PDE4D: variants seen among roughly 807,000 people sequenced by gnomAD.
PDE4D encodes the protein phosphodiesterase 4D.
PDE4D carries 24 observed loss-of-function variants against 87.4 expected under a neutral mutation model. That is an observed-to-expected ratio of 0.27 (90% CI 0.20 to 0.39). PDE4D has a LOEUF of 0.39. PDE4D is among the 10% of genes least tolerant of loss of function. The pLI is 1.00. For synonymous variants in PDE4D, 384 were observed against 383.2 expected (o/e 1.00, Z -0.02); for missense variants, 714 against 1,041.0 (o/e 0.69, Z 4.32).
At chr5:60,380,843 A>G (rs1761806890) in intron 1 of PDE4D, among the ~76,000 whole-genome samples, 2 of 152,228 alleles carry the variant, frequency 1.3e-5, no homozygotes, top group Admixed American at 1.3e-4. Context: ...TGTTAATCAC[A>G]TCTCATTTAA....
At chr5:60,130,591 G>C (rs1270995334) in intron 2 of PDE4D, among the ~76,000 whole-genome samples, 2 of 152,180 alleles carry the variant, frequency 1.3e-5, no homozygotes, top group Non-Finnish European at 2.9e-5. Context: ...AGGATGGCAA[G>C]AGACTCTTAA....
intron 1 of PDE4D, among the ~76,000 whole-genome samples, chr5:59,563,957 A>AGAAGT (rs2153692746): frequency 6.6e-6 from 1 of 152,304 alleles, no homozygotes; most frequent in East Asian, 1.9e-4. Context: ...GACAAACTTG[A>AGAAGT]GAAGTGGATT....
At chr5:60,220,161 G>T (rs758813064) in intron 1 of PDE4D, among the ~76,000 whole-genome samples, 1 of 152,070 alleles carries the variant, frequency 6.6e-6, no homozygotes, top group Non-Finnish European at 1.5e-5. Context: ...CAGTGGGGGC[G>T]GTTTGCTTGC....
At chr5:59,261,742 A>C (rs991518967) in intron 1 of PDE4D, among the ~76,000 whole-genome samples, 5 of 151,810 alleles carry the variant, frequency 3.3e-5, no homozygotes, top group Non-Finnish European at 5.9e-5. Flanking sequence ...TAAAATGAGA[A>C]AGAAATCTGT....
chr5:59,792,141 T>C (rs954716544), intron 1 of PDE4D, among the ~76,000 whole-genome samples: 1 of 151,838 alleles, frequency 6.6e-6, no homozygotes, highest in African/African-American at 2.4e-5. Flanking sequence ...GTAGTAAGGG[T>C]ATAAAGGGCT....
Position 58,971,511 on chromosome 5 carries a change from A to G in PDE4D, c.*3153T>C, listed in dbSNP as rs1742593951. On this transcript the variant is annotated 3_prime_UTR_variant, in exon 15 of 15. Transcript: ENST00000340635. The stretch of plus-strand genomic sequence containing the variant: ...GACAAACAAGACTGTATTACAGGTA[A>G]GGTCATTTGGTGAGAAAAAAAATGC... The G allele has an allele frequency of 6.6e-6, 1 of 152,628 alleles. No homozygotes were observed. The highest frequency in any genetic ancestry group is 2.4e-5 in the African/African-American group (1 of 41,462). 9.5% of individuals were successfully genotyped at this position (152,628 alleles called of 1,614,324 possible). A position where few individuals can be genotyped will look rare whatever the true frequency, so the allele number is the denominator to read the frequency against.
At chr5:60,011,296 T>C (rs1357562365) in intron 2 of PDE4D, among the ~76,000 whole-genome samples, 1 of 152,180 alleles carries the variant, frequency 6.6e-6, no homozygotes, top group Non-Finnish European at 1.5e-5. Flanking sequence ...GACCTATGCA[T>C]AGATTCCTCA....
At chr5:60,028,567 G>A (rs1247231936) in intron 2 of PDE4D, among the ~76,000 whole-genome samples, 1 of 152,084 alleles carries the variant, frequency 6.6e-6, no homozygotes, top group African/African-American at 2.4e-5. Context: ...AACCTTTCAT[G>A]GTTGCCGCTG....
intron 5 of PDE4D, among the ~76,000 whole-genome samples, chr5:59,166,769 A>G (rs1368910347): frequency 2.0e-5 from 3 of 152,184 alleles, no homozygotes; most frequent in Non-Finnish European, 4.4e-5. Context: ...TGGAAATAAT[A>G]TTTTTGGTCA....
chr5:59,308,336 T>A (rs10077993), intron 1 of PDE4D, among the ~76,000 whole-genome samples: 16,516 of 148,782 alleles, frequency 0.11, 968 homozygotes, highest in East Asian at 0.21. Context: ...AATAATAATT[T>A]AAAAAAAAAA....
rs1474618099 is a variant in PDE4D, at chr5:59,893,625, T to C, written c.-3A>G. ...GCGCTGCTGCCCTCTGCCTCCATCC[T>C]GGCTCGCGGCTCCGCGACCTGCTGC... On this transcript the variant is annotated 5_prime_UTR_variant, in exon 1 of 15. Coordinates refer to ENST00000340635, the MANE Select transcript of PDE4D (RefSeq NM_001104631.2). The C allele has an allele frequency of 6.7e-7, 1 of 1,486,048 alleles. No homozygotes were observed. Among genetic ancestry groups the C allele is most frequent in the Admixed American group, 2.4e-5 (1 of 42,062 alleles). 92.1% of individuals were successfully genotyped at this position (1,486,048 alleles called of 1,614,324 possible). A position where few individuals can be genotyped will look rare whatever the true frequency, so the allele number is the denominator to read the frequency against.
intron 1 of PDE4D, among the ~76,000 whole-genome samples, chr5:60,390,174 CT>C (rs1197835410): frequency 6.6e-6 from 1 of 152,228 alleles, no homozygotes; most frequent in Non-Finnish European, 1.5e-5. Context: ...CCTTCCTCCC[CT>C]GCTGGAGTCA....
chr5:60,336,954 C>T (rs1757802491), intron 1 of PDE4D, among the ~76,000 whole-genome samples: 1 of 152,028 alleles, frequency 6.6e-6, no homozygotes, highest in Admixed American at 6.6e-5. Flanking sequence ...AATCCACTAT[C>T]CAATTATTTT....
rs529413089 is a variant in PDE4D, at chr5:60,172,649, C to T, written c.42+12908G>A. ...GGGTTGAGGGGAGAAAAGAAACAGACAAATCTTTAAAACTGGTTACTAGAA... is the reference window on the plus strand; with the variant it reads ...GGGTTGAGGGGAGAAAAGAAACAGATAAATCTTTAAAACTGGTTACTAGAA... On this transcript the variant is annotated intron_variant, in intron 2 of 16. Transcript: ENST00000502484. 2.0e-5 allele frequency among the ~76,000 whole-genome samples: 3 copies of T among 152,200 alleles called. No individual in the cohort carries two copies. In the East Asian group the frequency reaches 5.8e-4, roughly 29 times the overall value.
intron 2 of PDE4D, among the ~76,000 whole-genome samples, chr5:60,064,491 C>T (rs766219531): frequency 6.6e-6 from 1 of 152,058 alleles, no homozygotes; most frequent in Non-Finnish European, 1.5e-5. Flanking sequence ...ATCCACACAG[C>T]ATTAATGATA....
rs980145326 is a variant in PDE4D, at chr5:59,396,649, C to G, written c.456-180681G>C. On this transcript the variant is annotated intron_variant, in intron 1 of 14. Transcript: ENST00000340635. ...AATCATGCCAAAATGTAAAGACCATCGAGACTAGGAAGAAACTGCATCAAC... is the reference window on the plus strand; with the variant it reads ...AATCATGCCAAAATGTAAAGACCATGGAGACTAGGAAGAAACTGCATCAAC... Among the ~76,000 whole-genome samples, 4 of 110,472 alleles carry G rather than the reference C, an allele frequency of 3.6e-5. 1 individual carries two copies. The highest frequency in any genetic ancestry group is 2.8e-4 in the East Asian group (1 of 3,608). The allele number at this position is 110,472 out of a possible 152,430, so 72.5% of individuals were successfully genotyped here.
intron 1 of PDE4D, among the ~76,000 whole-genome samples, chr5:60,384,691 G>A (rs536080263): frequency 6.6e-6 from 1 of 152,088 alleles, no homozygotes; most frequent in African/African-American, 2.4e-5. Context: ...TGTTTCTGTT[G>A]GGTTCTTCCT....
At chr5:59,525,764 A>G (rs1428006728) in intron 1 of PDE4D, among the ~76,000 whole-genome samples, 2 of 152,172 alleles carry the variant, frequency 1.3e-5, no homozygotes, top group Non-Finnish European at 2.9e-5. Flanking sequence ...TGCTGTTCTC[A>G]TGATAGTGAG....
chr5:59,523,057 CT>C (rs1431269946), intron 1 of PDE4D, among the ~76,000 whole-genome samples: 1 of 152,154 alleles, frequency 6.6e-6, no homozygotes, highest in Non-Finnish European at 1.5e-5. Context: ...GGGTGGTTGG[CT>C]TTTGAAATGA....
Sources: gnomAD v4.1 joint callset for allele counts (sites outside exome capture counted in the v4.1 genomes callset) on GRCh38, gnomAD v4.1.1 for gene constraint, MANE v1.5 for transcripts, NCBI Gene and HGNC (gene_info 2026-07-23, HGNC 2026-07-21) for gene names.